The following STAT5B variants were observed in gnomAD, a reference collection of about 807,000 sequenced individuals.
STAT5B encodes the protein transcription factor STAT5B.
A neutral mutation model predicts 107.8 loss-of-function variants in STAT5B; 21 were observed. The observed-to-expected ratio is 0.19, with a 90% confidence interval of 0.14 to 0.28. STAT5B has a LOEUF of 0.28. STAT5B is among the 10% of genes least tolerant of loss of function. The pLI, the probability that STAT5B is intolerant of heterozygous loss-of-function variation, is 1.00. For synonymous variants in STAT5B, 325 were observed against 401.7 expected (o/e 0.81, Z 2.28); for missense variants, 565 against 1,008.2 (o/e 0.56, Z 5.95).
intron 1 of STAT5B, among the ~76,000 whole-genome samples, chr17:42,236,657 G>C (rs1396692118): frequency 1.3e-5 from 2 of 152,150 alleles, no homozygotes; most frequent in African/African-American, 4.8e-5. Flanking sequence ...GGTTGGTCTT[G>C]AACTACTGAC....
At chr17:42,262,637 G>A (rs1469007156) in intron 1 of STAT5B, among the ~76,000 whole-genome samples, 6 of 151,234 alleles carry the variant, frequency 4.0e-5, no homozygotes, top group Admixed American at 1.3e-4. Context: ...AAGGGGAAAA[G>A]CCAATGCAGA....
At chr17:42,203,963 T>A (rs2080066482) in intron 16 of STAT5B, among the ~76,000 whole-genome samples, 1 of 151,858 alleles carries the variant, frequency 6.6e-6, no homozygotes, top group Admixed American at 6.6e-5. Context: ...TGCATACACG[T>A]CAGGGATCTA....
At chr17:42,249,006 G>C (rs2080476053) in intron 1 of STAT5B, among the ~76,000 whole-genome samples, 1 of 152,246 alleles carries the variant, frequency 6.6e-6, no homozygotes, top group Non-Finnish European at 1.5e-5. Context: ...CAACGTGGTG[G>C]AAGTGTTAGG....
chr17:42,231,918 T>C (rs2080320689), intron 2 of STAT5B, 82 bp downstream of exon 2: 3 of 1,581,136 alleles, frequency 1.9e-6, no homozygotes, highest in Non-Finnish European at 2.6e-6. Flanking sequence ...ACTTTGAAAG[T>C]TGCCATCATG....
intron 1 of STAT5B, among the ~76,000 whole-genome samples, chr17:42,269,095 A>C (rs962719378): frequency 6.6e-6 from 1 of 152,114 alleles, no homozygotes; most frequent in Non-Finnish European, 1.5e-5. Flanking sequence ...TTTTTTTGAG[A>C]TGGAGTCTCG....
chr17:42,266,105 T>G (rs1413863565), intron 1 of STAT5B, among the ~76,000 whole-genome samples: 1 of 152,114 alleles, frequency 6.6e-6, no homozygotes, highest in Non-Finnish European at 1.5e-5. Context: ...AAGACATATG[T>G]GTATCTATAA....
upstream of STAT5B, among the ~76,000 whole-genome samples, chr17:42,279,579 G>A (rs545679455): frequency 6.6e-6 from 1 of 152,232 alleles, no homozygotes; most frequent in South Asian, 2.1e-4. Context: ...CCCGAGATCG[G>A]GAGTTCGAGA....
At chr17:42,211,872 T>C in intron 13 of STAT5B, 112 bp downstream of exon 13, 1 of 1,489,950 alleles carries the variant, frequency 6.7e-7, no homozygotes, top group Non-Finnish European at 9.1e-7. Context: ...TCTATTACTT[T>C]CGGTACATTT....
chr17:42,207,625 A>G lies in STAT5B; in HGVS notation c.2010T>C (p.Phe670=), dbSNP rs1383757689. 7 of 1,614,046 alleles carry G rather than the reference A, an allele frequency of 4.3e-6. No individual in the cohort carries two copies. Among genetic ancestry groups the G allele is most frequent in the African/African-American group, 1.3e-5 (1 of 74,924 alleles). ...LGDLNYLIYV[F]PDRPKDEVYS... ...ATACTTCATCTTTTGGCCGATCAGGAAACACGTAGATAAGGTAATTCAAGT... is the reference window on the plus strand; with the variant it reads ...ATACTTCATCTTTTGGCCGATCAGGGAACACGTAGATAAGGTAATTCAAGT... Residue 670 remains phenylalanine (F), a synonymous_variant, in exon 16 of 19, where the codon TTT becomes TTC. Transcript: ENST00000293328.
At chr17:42,274,748 A>G (rs1298612004) in intron 1 of STAT5B, 1 of 152,250 alleles carries the variant, frequency 6.6e-6, no homozygotes, top group Non-Finnish European at 1.5e-5. Context: ...GCAATATAAC[A>G]TAAGCAAATG....
intron 1 of STAT5B, among the ~76,000 whole-genome samples, chr17:42,242,227 T>C (rs2080409681): frequency 6.6e-6 from 1 of 152,204 alleles, no homozygotes; most frequent in South Asian, 2.1e-4. Context: ...AGCAGGTTAC[T>C]ATATATTTAA....
chr17:42,235,384 C>A (rs1248188085), intron 1 of STAT5B: 1 of 151,986 alleles, frequency 6.6e-6, no homozygotes, highest in African/African-American at 2.4e-5. Flanking sequence ...ACAATTTGAC[C>A]GATTCTATTG....
chr17:42,223,656 C>T, intron 4 of STAT5B, 100 bp from the exon 5 acceptor site: 1 of 1,461,490 alleles, frequency 6.8e-7, no homozygotes, highest in Non-Finnish European at 9.3e-7. Context: ...GGGTAAGACC[C>T]CAAAAGGTAA....
At chr17:42,274,335 T>C (rs1183388761) in intron 1 of STAT5B, among the ~76,000 whole-genome samples, 2 of 143,616 alleles carry the variant, frequency 1.4e-5, no homozygotes, top group African/African-American at 5.1e-5. Flanking sequence ...TGTGTCTCAA[T>C]CTGGAGCTTG....
Position 42,224,627 on chromosome 17 carries a change from G to T in STAT5B, c.375+152C>A, listed in dbSNP as rs1480087690. The T allele has an allele frequency of 3.8e-6, 3 of 795,436 alleles. No individual in the cohort carries two copies. In the African/African-American group the frequency reaches 5.2e-5, roughly 14 times the overall value. 49.3% of individuals were successfully genotyped at this position (795,436 alleles called of 1,614,324 possible). A position where few individuals can be genotyped will look rare whatever the true frequency, so the allele number is the denominator to read the frequency against. ...AAAGTGCTGGGCTGCACTCAGTCAA[G>T]TCTCCTATTTCTTTTGTGCCCCTTA... On this transcript the variant is annotated intron_variant, in intron 4 of 18. Transcript: ENST00000293328.
intron 5 of STAT5B, among the ~76,000 whole-genome samples, chr17:42,220,462 C>T (rs191858037): frequency 1.3e-3 from 205 of 152,290 alleles, no homozygotes; most frequent in African/African-American, 4.8e-3. Flanking sequence ...CGCAGCAAGG[C>T]CTCTTCAGGG....
intron 1 of STAT5B, among the ~76,000 whole-genome samples, chr17:42,243,464 C>T (rs1030841077): frequency 6.6e-6 from 1 of 152,132 alleles, no homozygotes; most frequent in African/African-American, 2.4e-5. Context: ...ATTCAGGTTG[C>T]GTAGAAGAAT....
chr17:42,249,985 T>C (rs1875090373), intron 1 of STAT5B, among the ~76,000 whole-genome samples: 1 of 151,924 alleles, frequency 6.6e-6, no homozygotes, highest in South Asian at 2.1e-4. Context: ...ATTAAGAGAG[T>C]GTTAAACTAC....
intron 1 of STAT5B, chr17:42,270,563 A>G (rs1373315017): frequency 6.6e-6 from 1 of 152,254 alleles, no homozygotes; most frequent in African/African-American, 2.4e-5. Context: ...CACCAGAAGT[A>G]TATACTTTAA....
Sources: gnomAD v4.1 joint callset for allele counts (sites outside exome capture counted in the v4.1 genomes callset) on GRCh38, gnomAD v4.1.1 for gene constraint, MANE v1.5 for transcripts, NCBI Gene and HGNC (gene_info 2026-07-23, HGNC 2026-07-21) for gene names.